Variants in FREM3 observed in about 807,000 individuals in gnomAD.
The protein encoded by FREM3 is FRAS1-related extracellular matrix protein 3.
FREM3 carries 105 observed loss-of-function variants against 129.1 expected under a neutral mutation model. That is an observed-to-expected ratio of 0.81 (90% CI 0.69 to 0.96). The LOEUF (loss-of-function observed/expected upper bound fraction) is 0.96, where lower values mean the gene tolerates loss of function less well. FREM3 is among the 40% of genes least tolerant of loss of function. The probability of loss-of-function intolerance (pLI) is 0.00; values close to 1 mark genes in which losing one functional copy is unlikely to be tolerated. For synonymous variants in FREM3, 1,014 were observed against 1,044.9 expected (o/e 0.97, Z 0.57); for missense variants, 2,593 against 2,666.3 (o/e 0.97, Z 0.61).
chr4:143,696,571 G>A lies in FREM3; in HGVS notation c.4105C>T (p.Leu1369Phe), dbSNP rs1262944899. The change falls in exon 1 of 8, where the codon CTT (leucine) becomes TTT (phenylalanine). Residue 1369 changes from leucine (L) to phenylalanine (F), a missense_variant. Leu to Phe is a conservative substitution (Grantham distance 22, BLOSUM62 0). Transcript: ENST00000329798. ...TGGGTAAAGTTCATTCCCAGAGTAA[G>A]ATTGTTCCTCACTTCTCCTCTGGGT... ...RKPRGEVRNN[L>F]TLGMNFTQDE... The A allele has an allele frequency of 1.3e-6, 2 of 1,537,538 alleles. No homozygotes were observed. Among genetic ancestry groups the A allele is most frequent in the East Asian group, 4.9e-5 (2 of 40,912 alleles).
At position 143,585,974 on chromosome 4, in the gene FREM3, C is replaced by T. The variant is rs1248452280; in HGVS notation, c.6048G>A (p.Gly2016=). 6.5e-7 allele frequency: 1 copy of T among 1,537,622 alleles called. No individual in the cohort carries two copies. Among genetic ancestry groups the T allele is most frequent in the Admixed American group, 2.0e-5 (1 of 50,996 alleles). The change falls in exon 7 of 8, where the codon GGG becomes GGA. Residue 2016 remains glycine (G), a synonymous_variant. Transcript: ENST00000329798. The surrounding 1 kb of genome is among the most constrained non-coding windows in gnomAD (Gnocchi z 4.2). ...DRYDEPVLHF[G]DAEYHVNESA... ...TTTCATTGACGTGATATTCAGCATC[C>T]CCAAAGTGCAGGACAGGTTCTAAAG...
intron 2 of FREM3, among the ~76,000 whole-genome samples, chr4:143,675,968 AG>A (rs1740112598): frequency 6.6e-6 from 1 of 152,188 alleles, no homozygotes; most frequent in Non-Finnish European, 1.5e-5. Flanking sequence ...AGGTACAAGG[AG>A]GAGCTGGTAC....
intron 5 of FREM3, among the ~76,000 whole-genome samples, chr4:143,615,052 A>G (rs1738821021): frequency 1.3e-5 from 2 of 152,252 alleles, no homozygotes; most frequent in Admixed American, 6.5e-5. Flanking sequence ...CTGTGGCTAC[A>G]TATTACATTT....
chr4:143,682,172 AG>A (rs1740264147), intron 2 of FREM3, among the ~76,000 whole-genome samples: 1 of 152,214 alleles, frequency 6.6e-6, no homozygotes, highest in South Asian at 2.1e-4. Flanking sequence ...GCAAGAGAAT[AG>A]GGTCTGGAGG....
chr4:143,592,613 G>T (rs141232800), intron 6 of FREM3, among the ~76,000 whole-genome samples: 1,967 of 152,302 alleles, frequency 0.013, 41 homozygotes, highest in African/African-American at 0.045. Flanking sequence ...GAGATCAGCA[G>T]TTAGTCTGAT....
intron 2 of FREM3, among the ~76,000 whole-genome samples, chr4:143,691,928 C>A (rs1740478328): frequency 1.3e-5 from 2 of 152,042 alleles, no homozygotes; most frequent in African/African-American, 2.4e-5. Flanking sequence ...GGTGTAAATT[C>A]ATCTTTTTAG....
At chr4:143,682,859 A>G (rs957643187) in intron 2 of FREM3, among the ~76,000 whole-genome samples, 3 of 152,222 alleles carry the variant, frequency 2.0e-5, no homozygotes, top group African/African-American at 7.2e-5. Flanking sequence ...CCTGGAATCT[A>G]TGAATATGTT....
At position 143,698,192 on chromosome 4, in the gene FREM3, C is replaced by G. The variant is rs1034523122; in HGVS notation, c.2484G>C (p.Gln828His). 1.3e-6 allele frequency: 2 copies of G among 1,537,450 alleles called. No homozygotes were observed. The highest frequency in any genetic ancestry group is 3.9e-5 in the Admixed American group (2 of 51,004). The stretch of plus-strand genomic sequence containing the variant: ...AGCCTCTGTTGGTGACTTCTGGGGG[C>G]TGGTTGTCCACAGGTTGCAGGAATA... ...FTLFLQPVDN[Q>H]PPEVTNRGFA... Residue 828 changes from glutamine (Q) to histidine (H), a missense_variant, in exon 1 of 8, where the codon CAG (glutamine) becomes CAC (histidine). By Grantham distance (24) the Gln-to-His change is conservative (BLOSUM62 0). Around this residue, in one of 2 missense-constraint regions of FREM3, gnomAD observed 2,276 missense variants for 2,267.2 expected, o/e 1.00. Coordinates refer to ENST00000329798, the MANE Select transcript of FREM3 (RefSeq NM_001168235.2).
At chr4:143,640,380 C>G (rs1560854360) in intron 2 of FREM3, among the ~76,000 whole-genome samples, 1 of 152,204 alleles carries the variant, frequency 6.6e-6, no homozygotes, top group Non-Finnish European at 1.5e-5. Context: ...ATGAGCACTG[C>G]TAATAATTCA....
chr4:143,644,314 T>C (rs1283981532), intron 2 of FREM3, among the ~76,000 whole-genome samples: 1 of 152,184 alleles, frequency 6.6e-6, no homozygotes, highest in Non-Finnish European at 1.5e-5. Context: ...TTTGTCTTTA[T>C]GCATACGTGA....
At chr4:143,657,143 A>C (rs931845067) in intron 2 of FREM3, among the ~76,000 whole-genome samples, 4 of 152,212 alleles carry the variant, frequency 2.6e-5, no homozygotes, top group African/African-American at 9.6e-5. Context: ...AATAAATCAC[A>C]TTTTACCATT....
intron 2 of FREM3, among the ~76,000 whole-genome samples, chr4:143,672,915 G>A (rs1468968800): frequency 6.6e-6 from 1 of 152,172 alleles, no homozygotes; most frequent in Non-Finnish European, 1.5e-5. Context: ...TCGTCACATG[G>A]TTCTCGTGCT....
In FREM3 at chr4:143,700,629, A is replaced by G. The variant is rs772281852; in HGVS notation, c.47T>C (p.Leu16Pro). Residue 16 changes from leucine (L) to proline (P), a missense_variant, in exon 1 of 8, where the codon CTT becomes CCT. Physicochemically the swap from Leu to Pro is moderately conservative, Grantham distance 98. Transcript: ENST00000329798. ...CAAGAGCAGGCAGGCGAGCGCCACA[A>G]GGAGCTGCCGGGGCGTCCCAGTCGG... ...RHPTGTPRQL[L>P]VALACLLLSR... 6 of 1,443,630 alleles carry G rather than the reference A, an allele frequency of 4.2e-6. No individual in the cohort carries two copies. The highest frequency in any genetic ancestry group is 5.1e-5 in the East Asian group (2 of 39,112). The allele number at this position is 1,443,630 out of a possible 1,614,324, so 89.4% of individuals were successfully genotyped here. A position where few individuals can be genotyped will look rare whatever the true frequency, so the allele number is the denominator to read the frequency against.
intron 6 of FREM3, among the ~76,000 whole-genome samples, chr4:143,593,198 GAGT>G (rs1422831058): frequency 7.9e-5 from 12 of 152,176 alleles, no homozygotes; most frequent in African/African-American, 2.7e-4. Context: ...CTTTAGCTTG[GAGT>G]AGTTTGATCT....
rs1365633868 is a variant in FREM3, at chr4:143,668,019, T to TA, written c.5275+25093dup. 3.9e-5 allele frequency among the ~76,000 whole-genome samples: 6 copies of TA among 152,360 alleles called. No individual in the cohort carries two copies. In the East Asian group the frequency reaches 1.2e-3, roughly 29 times the overall value. ...ATAATAAAAGTTGCTTATTATAACT[T>TA]ACAGAAATTACTTTTAAAATAAAAT... On this transcript the variant is annotated intron_variant, in intron 2 of 7. Coordinates refer to ENST00000329798, the MANE Select transcript of FREM3 (RefSeq NM_001168235.2).
intron 2 of FREM3, among the ~76,000 whole-genome samples, chr4:143,685,324 AGGGATTGG>A (rs1241240686): frequency 6.6e-6 from 1 of 152,228 alleles, no homozygotes; most frequent in East Asian, 1.9e-4. Flanking sequence ...ACAAGCTAGA[AGGGATTGG>A]GGGCCTATCT....
chr4:143,654,004 A>G (rs1213441809), intron 2 of FREM3, among the ~76,000 whole-genome samples: 3 of 152,256 alleles, frequency 2.0e-5, no homozygotes, highest in Admixed American at 1.3e-4. Flanking sequence ...TTCTTGAACA[A>G]GCAAAACAAT....
At chr4:143,590,695 T>A (rs1738343125) in intron 6 of FREM3, among the ~76,000 whole-genome samples, 1 of 152,242 alleles carries the variant, frequency 6.6e-6, no homozygotes, top group Non-Finnish European at 1.5e-5. Flanking sequence ...TGGTCTAAAA[T>A]TCTCTTTTTT....
At chr4:143,635,071 C>G (rs1384046661) in intron 2 of FREM3, among the ~76,000 whole-genome samples, 2 of 151,996 alleles carry the variant, frequency 1.3e-5, no homozygotes, top group Non-Finnish European at 2.9e-5. Context: ...GTATGAAAAC[C>G]CAATTTATGT....
Sources: gnomAD v4.1 joint callset for allele counts (sites outside exome capture counted in the v4.1 genomes callset) on GRCh38, gnomAD v4.1.1 for gene constraint, gnomAD v4.1.1 regional missense constraint, Gnocchi (gnomAD v3.1) non-coding constraint, MANE v1.5 for transcripts, NCBI Gene and HGNC (gene_info 2026-07-23, HGNC 2026-07-21) for gene names.